Variants in IPO5 observed in about 807,000 individuals in gnomAD.
The protein encoded by IPO5 is importin-5.
A neutral mutation model predicts 143.3 loss-of-function variants in IPO5; 18 were observed. That is an observed-to-expected ratio of 0.13 (90% CI 0.09 to 0.19). IPO5 has a LOEUF of 0.19. Among genes scored for constraint, IPO5 ranks in the 10% least tolerant of loss-of-function variants. The pLI is 1.00. For missense variants in IPO5, 1,013 were observed against 1,336.9 expected (o/e 0.76, Z 3.78); for synonymous variants, 477 against 465.7 (o/e 1.02, Z -0.31).
At position 98,023,148 on chromosome 13, in the gene IPO5, G is replaced by A. The variant is rs895227135; in HGVS notation, c.*1326G>A. On this transcript the variant is annotated 3_prime_UTR_variant, in exon 29 of 29. Coordinates refer to ENST00000651721, the MANE Select transcript of IPO5 (RefSeq NM_002271.6). The stretch of plus-strand genomic sequence containing the variant: ...AAATAGAATGGATTACATACAGATG[G>A]TTTCCTTGTTAGCAGATGCCCTTCA... The A allele has an allele frequency of 2.6e-5, 4 of 152,624 alleles. No homozygotes were observed. Among genetic ancestry groups the A allele is most frequent in the African/African-American group, 9.7e-5 (4 of 41,440 alleles). The allele number at this position is 152,624 out of a possible 1,614,324, so 9.5% of individuals were successfully genotyped here. A position where few individuals can be genotyped will look rare whatever the true frequency, so the allele number is the denominator to read the frequency against.
At chr13:97,953,956 C>T in intron 1 of IPO5, 163 bp from the exon 2 acceptor site, 2 of 455,298 alleles carry the variant, frequency 4.4e-6, no homozygotes, top group South Asian at 3.1e-5. Flanking sequence ...TTCATGATGG[C>T]TCATTGTTCT....
At chr13:97,983,860 T>A (rs1429834952) in intron 5 of IPO5, among the ~76,000 whole-genome samples, 2 of 151,960 alleles carry the variant, frequency 1.3e-5, no homozygotes, top group Non-Finnish European at 1.5e-5. Context: ...TATCCCAATT[T>A]TTTTTTTTCT....
intron 11 of IPO5, among the ~76,000 whole-genome samples, chr13:97,994,905 TATGTGA>T (rs1406169121): frequency 6.6e-6 from 1 of 152,004 alleles, no homozygotes; most frequent in African/African-American, 2.4e-5. Flanking sequence ...GTGGGTAAAT[TATGTGA>T]GCTGCTGAGT....
Position 98,010,780 on chromosome 13 carries a change from C to CTTTTTT in IPO5, c.2055+569_2055+574dup, listed in dbSNP as rs71117688. ...ATGCGTTTTAAAGTGAAGGATAATC[C>CTTTTTT]TTTTTTTTTTTTTTTTTTGAGGTGG... On this transcript the variant is annotated intron_variant, in intron 20 of 28. Coordinates refer to ENST00000651721, the MANE Select transcript of IPO5 (RefSeq NM_002271.6). Among the ~76,000 whole-genome samples, 105 of 70,004 alleles carry CTTTTTT rather than the reference C, an allele frequency of 1.5e-3. 14 individuals are homozygous for CTTTTTT. The highest frequency in any genetic ancestry group is 8.5e-3 in the African/African-American group (90 of 10,528). The allele number at this position is 70,004 out of a possible 152,430, so 45.9% of individuals were successfully genotyped here.
chr13:98,006,057 GGGA>G, intron 16 of IPO5, 70 bp from the exon 17 acceptor site: 1 of 971,142 alleles, frequency 1.0e-6, no homozygotes, highest in Non-Finnish European at 1.6e-6. Context: ...AGAACTTGAA[GGGA>G]GTAGTAATTG....
intron 20 of IPO5, among the ~76,000 whole-genome samples, chr13:98,010,496 A>G (rs949507801): frequency 1.3e-5 from 2 of 152,190 alleles, no homozygotes. Context: ...CATTACAAAA[A>G]GTTTATAAGC....
At chr13:97,961,135 C>T (rs1884848264) in intron 2 of IPO5, among the ~76,000 whole-genome samples, 3 of 152,228 alleles carry the variant, frequency 2.0e-5, no homozygotes, top group African/African-American at 4.8e-5. Context: ...AAGGTTCACT[C>T]ATGTTGTTAC....
At position 97,971,737 on chromosome 13, in the gene IPO5, C is replaced by T. The variant is rs1356362352; in HGVS notation, c.-5+1907C>T. Among the ~76,000 whole-genome samples the T allele has an allele frequency of 4.6e-5, 7 of 151,896 alleles. No homozygotes were observed. In the East Asian group the frequency reaches 1.4e-3, roughly 29 times the overall value. On this transcript the variant is annotated intron_variant, in intron 3 of 28. Coordinates refer to ENST00000651721, the MANE Select transcript of IPO5 (RefSeq NM_002271.6). ...GCCGAGGTAGGAGGATCGCTTGAGC[C>T]CAGGAGTTCAAGACTGTCCTGGGCA...
intron 20 of IPO5, among the ~76,000 whole-genome samples, chr13:98,011,894 TG>T (rs1354935726): frequency 6.6e-6 from 1 of 152,244 alleles, no homozygotes; most frequent in African/African-American, 2.4e-5. Context: ...CAGGGTTTTT[TG>T]TATCTTTTAG....
intron 11 of IPO5, among the ~76,000 whole-genome samples, chr13:97,994,816 A>G (rs1888107513): frequency 6.6e-6 from 1 of 152,198 alleles, no homozygotes; most frequent in African/African-American, 2.4e-5. Flanking sequence ...AGCCATTTTT[A>G]AAAAGATAAT....
Position 98,021,094 on chromosome 13 carries a change from T to G in IPO5, c.3168T>G (p.Pro1056=). The G allele has an allele frequency of 6.2e-7, 1 of 1,610,210 alleles. No homozygotes were observed. The highest frequency in any genetic ancestry group is 1.1e-5 in the South Asian group (1 of 90,224). ...ACGAGGCAATTAAACATGAAGATCCTTGTGCCAAACGTCTGGCCAATGTCG... is the reference window on the plus strand; with the variant it reads ...ACGAGGCAATTAAACATGAAGATCCGTGTGCCAAACGTCTGGCCAATGTCG... ...EMHEAIKHED[P]CAKRLANVVR... is the part of the protein sequence containing the mutation. Residue 1056 remains proline, a synonymous_variant, in exon 28 of 29, where the codon CCT becomes CCG. Coordinates refer to ENST00000651721, the MANE Select transcript of IPO5 (RefSeq NM_002271.6).
intron 7 of IPO5, among the ~76,000 whole-genome samples, 159 bp downstream of exon 7, chr13:97,989,323 A>T (rs78458788): frequency 0.34 from 52,062 of 151,880 alleles, 10,737 homozygotes; most frequent in Non-Finnish European, 0.47. Flanking sequence ...AATTTTTTTT[A>T]AAAGGGCCTT....
intron 16 of IPO5, among the ~76,000 whole-genome samples, chr13:98,003,856 AAAG>A (rs1410060654): frequency 3.3e-5 from 5 of 152,216 alleles, no homozygotes; most frequent in Admixed American, 2.6e-4. Context: ...TCAAAAAAAA[AAAG>A]ATGAAAGAGA....
intron 16 of IPO5, 63 bp from the exon 17 acceptor site, chr13:98,006,067 A>G: frequency 9.1e-7 from 1 of 1,099,590 alleles, no homozygotes; most frequent in Non-Finnish European, 1.4e-6. Context: ...GGGAGTAGTA[A>G]TTGTAAATTT....
chr13:97,975,716 T>G (rs1440618684), intron 3 of IPO5: 2 of 153,218 alleles, frequency 1.3e-5, no homozygotes, highest in African/African-American at 4.8e-5. Context: ...GTGTCTCTCT[T>G]GACGTTCCCC....
chr13:97,964,188 T>C (rs1437453528), intron 2 of IPO5, among the ~76,000 whole-genome samples: 1 of 152,194 alleles, frequency 6.6e-6, no homozygotes, highest in Non-Finnish European at 1.5e-5. Context: ...GCAGAAGCTC[T>C]TTAGTTTAAT....
chr13:98,002,811 AG>A, intron 15 of IPO5, 38 bp downstream of exon 15: 1 of 1,596,608 alleles, frequency 6.3e-7, no homozygotes, highest in Non-Finnish European at 8.5e-7. Flanking sequence ...ATCAGACTTT[AG>A]GAAGAAGGGT....
In IPO5 at chr13:98,002,480, C is replaced by A; in HGVS notation, c.1122C>A (p.Tyr374Ter). ...MQMLQNPDWK[Y>*]RHAGLMALSA... ...TTTTTTCGGTAGCTGACTGGAAATA[C>A]CGGCATGCAGGATTGATGGCCTTAT... is the stretch of plus-strand genomic sequence containing the variant. Residue 374 changes from tyrosine to a stop codon, truncating the protein, a stop_gained, in exon 14 of 29, where the codon TAC becomes TAA. Transcript: ENST00000651721. LOFTEE classifies it high-confidence loss of function. The A allele has an allele frequency of 6.2e-7, 1 of 1,613,774 alleles. No homozygotes were observed. The highest frequency in any genetic ancestry group is 8.5e-7 in the Non-Finnish European group (1 of 1,179,882).
At chr13:98,020,350 G>C (rs1237272575) in intron 27 of IPO5, among the ~76,000 whole-genome samples, 1 of 152,154 alleles carries the variant, frequency 6.6e-6, no homozygotes, top group African/African-American at 2.4e-5. Flanking sequence ...GTAGCAATAG[G>C]CCAACAGGTA....
Sources: gnomAD v4.1 joint callset for allele counts (sites outside exome capture counted in the v4.1 genomes callset) on GRCh38, gnomAD v4.1.1 for gene constraint, MANE v1.5 for transcripts, NCBI Gene and HGNC (gene_info 2026-07-23, HGNC 2026-07-21) for gene names.